Variants in TDRD1 observed in about 807,000 individuals in gnomAD.
The protein encoded by TDRD1 is tudor domain containing 1.
A neutral mutation model predicts 140.6 loss-of-function variants in TDRD1; 37 were observed. The ratio of observed to expected loss-of-function variants is 0.26; its 90% CI spans 0.20 to 0.35. The LOEUF (loss-of-function observed/expected upper bound fraction) is 0.35, where lower values mean the gene tolerates loss of function less well. Among genes scored for constraint, TDRD1 ranks in the 10% least tolerant of loss-of-function variants. The pLI, the probability that TDRD1 is intolerant of heterozygous loss-of-function variation, is 1.00. For synonymous variants in TDRD1, 506 were observed against 475.7 expected (o/e 1.06, Z -0.83); for missense variants, 1,243 against 1,393.0 (o/e 0.89, Z 1.71).
chr10:114,180,324 A>G (rs2032935591), intron 1 of TDRD1, among the ~76,000 whole-genome samples: 3 of 152,172 alleles, frequency 2.0e-5, no homozygotes. Context: ...TGCCCTCTGC[A>G]TTTTACAGTC....
intron 1 of TDRD1, among the ~76,000 whole-genome samples, chr10:114,181,845 C>CA (rs11307772): frequency 2.2e-4 from 29 of 133,982 alleles, no homozygotes; most frequent in African/African-American, 3.6e-4. Flanking sequence ...GACAACATCT[C>CA]AAAAAAAAAA....
chr10:114,215,761 T>C (rs1438461504), intron 16 of TDRD1, among the ~76,000 whole-genome samples: 1 of 152,164 alleles, frequency 6.6e-6, no homozygotes, highest in East Asian at 1.9e-4. Flanking sequence ...TAAAGGTGAT[T>C]ATACAAACAT....
exon 8 of TDRD1, chr10:114,203,521 T>A (rs753933101): frequency 2.5e-6 from 4 of 1,613,196 alleles, no homozygotes; most frequent in Non-Finnish European, 2.5e-6. Context: ...AAAGACTATA[T>A]TCCTGTTAAG....
upstream of TDRD1, among the ~76,000 whole-genome samples, chr10:114,175,484 GA>G (rs968914371): frequency 1.3e-5 from 2 of 150,768 alleles, no homozygotes; most frequent in Non-Finnish European, 3.0e-5. Flanking sequence ...TTTTTTTCGT[GA>G]AAAAAAAGGT....
chr10:114,216,391 GT>G (rs1380311364), intron 16 of TDRD1, among the ~76,000 whole-genome samples: 1 of 152,132 alleles, frequency 6.6e-6, no homozygotes, highest in African/African-American at 2.4e-5. Flanking sequence ...CAAACATTGT[GT>G]TTTTTCTTTT....
At chr10:114,214,412 A>T (rs1190255356) in intron 16 of TDRD1, among the ~76,000 whole-genome samples, 1 of 152,154 alleles carries the variant, frequency 6.6e-6, no homozygotes, top group African/African-American at 2.4e-5. Flanking sequence ...CTATAATCCT[A>T]ACACTTTGGG....
At chr10:114,211,735 A>G in intron 13 of TDRD1, 131 bp from the exon 14 acceptor site, 2 of 893,296 alleles carry the variant, frequency 2.2e-6, no homozygotes, top group Admixed American at 3.4e-5. Flanking sequence ...AAATTAGTAA[A>G]CATTGTTCTA....
At chr10:114,231,628 C>G (rs576030952) in exon 26 of TDRD1, 2 of 838,092 alleles carry the variant, frequency 2.4e-6, no homozygotes, top group African/African-American at 1.8e-5. Context: ...TCTATCCCTC[C>G]GTTTTTGCCT....
chr10:114,207,346 C>G (rs1271699634), intron 11 of TDRD1, among the ~76,000 whole-genome samples: 3 of 152,166 alleles, frequency 2.0e-5, no homozygotes, highest in African/African-American at 7.2e-5. Context: ...GTTGCCAAGT[C>G]TTTATTGATT....
At chr10:114,212,091 A>G (rs1481542289) in intron 14 of TDRD1, 55 bp downstream of exon 14, 4 of 1,480,898 alleles carry the variant, frequency 2.7e-6, no homozygotes, top group Non-Finnish European at 3.6e-6. Context: ...ATGAAGAAAC[A>G]TGAAAAGATA....
At chr10:114,206,515 TCTC>T (rs1362939060) in intron 11 of TDRD1, among the ~76,000 whole-genome samples, 185 bp downstream of exon 11, 1 of 152,170 alleles carries the variant, frequency 6.6e-6, no homozygotes, top group Non-Finnish European at 1.5e-5. Flanking sequence ...TCCTGCCTGT[TCTC>T]CTCCTCTGTC....
chr10:114,202,830 T>G (rs542494050), intron 6 of TDRD1, among the ~76,000 whole-genome samples: 2 of 152,368 alleles, frequency 1.3e-5, no homozygotes, highest in East Asian at 3.9e-4. Flanking sequence ...TCATTTTTTT[T>G]GAAATAAAGT....
At chr10:114,202,411 C>A in intron 6 of TDRD1, 113 bp downstream of exon 6, 1 of 669,870 alleles carries the variant, frequency 1.5e-6, no homozygotes, top group Non-Finnish European at 2.3e-6. Context: ...AGGCAAGTTT[C>A]CTATTATATA....
chr10:114,201,725 C>T (rs1233884100), intron 5 of TDRD1, among the ~76,000 whole-genome samples: 1 of 152,192 alleles, frequency 6.6e-6, no homozygotes, highest in Admixed American at 6.5e-5. Flanking sequence ...GATTTATAAC[C>T]TTCAAAGAGT....
intron 3 of TDRD1, among the ~76,000 whole-genome samples, chr10:114,194,961 A>G (rs1195972010): frequency 2.1e-5 from 3 of 143,652 alleles, no homozygotes; most frequent in East Asian, 4.1e-4. Context: ...GGGTCTTACT[A>G]TGTTGCCAGG....
At chr10:114,222,053 GA>G (rs937909556) in intron 20 of TDRD1, among the ~76,000 whole-genome samples, 1 of 152,098 alleles carries the variant, frequency 6.6e-6, no homozygotes, top group Non-Finnish European at 1.5e-5. Flanking sequence ...TTTTAAAGCT[GA>G]AAAAATGAAA....
At chr10:114,228,874 A>G (rs2036591344) in intron 25 of TDRD1, 1 of 690,672 alleles carries the variant, frequency 1.4e-6, no homozygotes, top group African/African-American at 2.0e-5. Flanking sequence ...ACCTGAGCCC[A>G]GGCGTTCGAA....
chr10:114,221,382 G>C (rs1275321144), exon 20 of TDRD1: 1 of 1,613,102 alleles, frequency 6.2e-7, no homozygotes, highest in East Asian at 2.2e-5. Context: ...AGCAATGGAA[G>C]ACGATAGAAT....
chr10:114,205,978 T>C (rs2035073723), intron 10 of TDRD1, among the ~76,000 whole-genome samples: 1 of 152,190 alleles, frequency 6.6e-6, no homozygotes, highest in Non-Finnish European at 1.5e-5. Context: ...CCTATAAATA[T>C]GTACACCTAC....
Sources: gnomAD v4.1 joint callset for allele counts (sites outside exome capture counted in the v4.1 genomes callset) on GRCh38, gnomAD v4.1.1 for gene constraint, MANE v1.5 for transcripts, NCBI Gene and HGNC (gene_info 2026-07-23, HGNC 2026-07-21) for gene names.